The following CNTNAP2 variants were observed in gnomAD, a reference collection of about 807,000 sequenced individuals.
The protein encoded by CNTNAP2 is contactin associated protein 2.
Under a neutral mutation model 155.2 loss-of-function variants are expected in CNTNAP2, and 98 were observed. The observed-to-expected ratio is 0.63, with a 90% CI of 0.54 to 0.75. The LOEUF is 0.75. CNTNAP2 is among the 30% of genes least tolerant of loss of function. CNTNAP2 has a pLI of 0.00. For synonymous variants in CNTNAP2, 651 were observed against 631.2 expected (o/e 1.03, Z -0.47); for missense variants, 1,727 against 1,688.1 (o/e 1.02, Z -0.40).
chr7:147,446,130 T>G (rs1797734879), intron 10 of CNTNAP2, among the ~76,000 whole-genome samples: 1 of 151,448 alleles, frequency 6.6e-6, no homozygotes, highest in African/African-American at 2.4e-5. Context: ...TTTCTTTTTT[T>G]TTTTTTTTTT....
intron 16 of CNTNAP2, among the ~76,000 whole-genome samples, chr7:148,129,483 A>G (rs1180209235): frequency 1.3e-5 from 2 of 152,216 alleles, no homozygotes; most frequent in African/African-American, 4.8e-5. Context: ...ATCTTAATGC[A>G]AGGAATGATT....
intron 1 of CNTNAP2, among the ~76,000 whole-genome samples, chr7:146,493,911 T>C (rs1237844102): frequency 6.6e-6 from 1 of 152,192 alleles, no homozygotes; most frequent in African/African-American, 2.4e-5. Context: ...CCATACATAT[T>C]GAGTACAGTG....
At chr7:146,602,405 G>C (rs1563152238) in intron 1 of CNTNAP2, among the ~76,000 whole-genome samples, 1 of 152,176 alleles carries the variant, frequency 6.6e-6, no homozygotes, top group East Asian at 1.9e-4. Context: ...TACAGAGTAA[G>C]ATAAGAGATA....
chr7:146,381,231 T>C (rs938583968), intron 1 of CNTNAP2, among the ~76,000 whole-genome samples: 4 of 152,206 alleles, frequency 2.6e-5, no homozygotes, highest in African/African-American at 9.6e-5. Context: ...GCTTTTTTAA[T>C]CATTGACCTG....
intron 13 of CNTNAP2, among the ~76,000 whole-genome samples, chr7:147,804,663 C>T (rs1299050267): frequency 6.6e-6 from 1 of 152,108 alleles, no homozygotes; most frequent in African/African-American, 2.4e-5. Context: ...AAGTGATTCT[C>T]CTGCCTCAGC....
intron 15 of CNTNAP2, among the ~76,000 whole-genome samples, chr7:148,032,056 C>A (rs1802486723): frequency 6.6e-6 from 1 of 152,110 alleles, no homozygotes; most frequent in Non-Finnish European, 1.5e-5. Context: ...CCGCGCGGTG[C>A]CCTAGATGTT....
In CNTNAP2 at chr7:147,691,453, T is replaced by C. The variant is rs568641833; in HGVS notation, c.2098+52147T>C. Among the ~76,000 whole-genome samples the C allele has an allele frequency of 2.0e-5, 3 of 152,236 alleles. No homozygotes were observed. The South Asian group carries it at 6.2e-4, about 32-fold the overall frequency. ...GAAGAGCACAGAGAGATAATACATG[T>C]TATTTGAAAGACTCAATATTATCAC... On this transcript the variant is annotated intron_variant, in intron 13 of 23. Coordinates refer to ENST00000361727, the MANE Select transcript of CNTNAP2 (RefSeq NM_014141.6).
intron 1 of CNTNAP2, among the ~76,000 whole-genome samples, chr7:146,599,788 A>T (rs1798921924): frequency 6.7e-6 from 1 of 150,102 alleles, no homozygotes; most frequent in South Asian, 2.1e-4. Context: ...ATAGATCTCT[A>T]GTTTTATGTA....
chr7:148,163,699 C>G (rs1317073429), intron 17 of CNTNAP2, among the ~76,000 whole-genome samples: 1 of 152,194 alleles, frequency 6.6e-6, no homozygotes, highest in African/African-American at 2.4e-5. Flanking sequence ...TTTCCAAACC[C>G]CAGTTCTCTC....
chr7:146,984,451 A>AT (rs769297836), intron 3 of CNTNAP2, among the ~76,000 whole-genome samples: 172 of 138,088 alleles, frequency 1.2e-3, no homozygotes, highest in South Asian at 2.8e-3. Context: ...TTTTCACTTT[A>AT]TTTTTTTTTC....
chr7:147,659,714 AAGG>A (rs765982400), intron 13 of CNTNAP2, among the ~76,000 whole-genome samples: 27 of 152,160 alleles, frequency 1.8e-4, no homozygotes, highest in South Asian at 6.2e-4. Flanking sequence ...TACCCCTGGG[AAGG>A]AGAAGAAGAA....
intron 2 of CNTNAP2, among the ~76,000 whole-genome samples, chr7:146,800,350 G>A (rs560600016): frequency 1.8e-4 from 28 of 152,268 alleles, no homozygotes; most frequent in African/African-American, 5.3e-4. Flanking sequence ...CTGGCACTGC[G>A]TGCCAAGCTG....
At chr7:148,090,188 G>C (rs1194506381) in intron 15 of CNTNAP2, among the ~76,000 whole-genome samples, 1 of 152,002 alleles carries the variant, frequency 6.6e-6, no homozygotes, top group Non-Finnish European at 1.5e-5. Context: ...CTATGATACT[G>C]GTCTGGGAAA....
intron 9 of CNTNAP2, among the ~76,000 whole-genome samples, chr7:147,324,299 A>G: frequency 6.6e-6 from 1 of 152,220 alleles, no homozygotes; most frequent in East Asian, 1.9e-4. Flanking sequence ...CAATGAATTC[A>G]TAAGGATAAT....
chr7:146,703,403 T>G (rs1800910817), intron 1 of CNTNAP2, among the ~76,000 whole-genome samples: 1 of 152,182 alleles, frequency 6.6e-6, no homozygotes, highest in African/African-American at 2.4e-5. Flanking sequence ...AATAACTCTG[T>G]CATGCTTAAT....
intron 17 of CNTNAP2, among the ~76,000 whole-genome samples, chr7:148,169,971 G>A (rs1295680252): frequency 3.4e-5 from 5 of 148,194 alleles, no homozygotes; most frequent in African/African-American, 1.3e-4. Flanking sequence ...AAAAAAAAAA[G>A]TTTCATGATA....
chr7:148,125,161 A>G (rs1235926209), intron 16 of CNTNAP2, among the ~76,000 whole-genome samples: 1 of 152,132 alleles, frequency 6.6e-6, no homozygotes, highest in Non-Finnish European at 1.5e-5. Context: ...CGTAAGAAGA[A>G]GACATGGCCC....
At chr7:147,351,606 TGTTA>T (rs1159343316) in intron 9 of CNTNAP2, among the ~76,000 whole-genome samples, 1 of 151,884 alleles carries the variant, frequency 6.6e-6, no homozygotes, top group Non-Finnish European at 1.5e-5. Flanking sequence ...AATATATATT[TGTTA>T]TAGTCTAAAT....
intron 11 of CNTNAP2, among the ~76,000 whole-genome samples, chr7:147,545,447 C>G (rs1337576323): frequency 6.6e-6 from 1 of 152,168 alleles, no homozygotes; most frequent in Non-Finnish European, 1.5e-5. Context: ...TGTTAGTTAT[C>G]TATTGCAATC....
Sources: allele counts gnomAD v4.1 joint callset (sites outside exome capture counted in the v4.1 genomes callset), GRCh38; gene constraint gnomAD v4.1.1; transcripts MANE v1.5; gene names NCBI Gene and HGNC (gene_info 2026-07-23, HGNC 2026-07-21).